Variants in CTH observed in about 807,000 individuals in gnomAD.
The protein encoded by CTH is cystathionase (cystathionine gamma-lyase).
Under a neutral mutation model 50.6 loss-of-function variants are expected in CTH, and 41 were observed. The ratio of observed to expected loss-of-function variants is 0.81; its 90% CI spans 0.63 to 1.05. The LOEUF (loss-of-function observed/expected upper bound fraction) is 1.05, where lower values mean the gene tolerates loss of function less well. CTH is among the 50% of genes least tolerant of loss of function. The pLI is 0.00. For synonymous variants in CTH, 156 were observed against 168.9 expected (o/e 0.92, Z 0.59); for missense variants, 470 against 492.6 (o/e 0.95, Z 0.43).
intron 6 of CTH, 21 bp downstream of exon 6, chr1:70,429,872 G>A (rs1393683964): frequency 1.3e-6 from 2 of 1,577,340 alleles, no homozygotes; most frequent in Admixed American, 1.7e-5. Context: ...TACTTTGAAT[G>A]TTCTTTTTCA....
chr1:70,431,974 T>G, intron 7 of CTH, 109 bp from the exon 8 acceptor site: 11 of 1,119,842 alleles, frequency 9.8e-6, no homozygotes, highest in Non-Finnish European at 1.5e-5. Context: ...ACTCAAACAT[T>G]GAGCTTTACA....
At position 70,432,094 on chromosome 1, in the gene CTH, G is replaced by T; in HGVS notation, c.736G>T (p.Val246Phe). The T allele has an allele frequency of 6.2e-7, 1 of 1,614,050 alleles. No homozygotes were observed. Among genetic ancestry groups the T allele is most frequent in the Non-Finnish European group, 8.5e-7 (1 of 1,180,010 alleles). The change falls in exon 8 of 12, where the codon GTT (valine) becomes TTT (phenylalanine). Residue 246 changes from valine (V) to phenylalanine (F), a missense_variant. By Grantham distance (50) the Val-to-Phe change is conservative (BLOSUM62 -1). Transcript: ENST00000370938. ...LRFLQNSLGA[V>F]PSPIDCYLCN... ...TGTTCATTTTGCAGCTCTTGGAGCAGTTCCATCTCCTATTGATTGTTACCT... is the reference window on the plus strand; with the variant it reads ...TGTTCATTTTGCAGCTCTTGGAGCATTTCCATCTCCTATTGATTGTTACCT...
intron 1 of CTH, 140 bp from the exon 2 acceptor site, chr1:70,415,814 TTC>T: frequency 1.5e-6 from 1 of 686,440 alleles, no homozygotes; most frequent in Non-Finnish European, 2.7e-6. Context: ...CACAGCACTG[TTC>T]TGCTTCTGTA....
chr1:70,432,045 C>A (rs1684485809), intron 7 of CTH, 38 bp from the exon 8 acceptor site: 1 of 1,612,438 alleles, frequency 6.2e-7, no homozygotes. Flanking sequence ...TGGCCATACC[C>A]TGCCTTCAAA....
intron 5 of CTH, among the ~76,000 whole-genome samples, chr1:70,428,641 G>T (rs1684399503): frequency 6.6e-6 from 1 of 151,486 alleles, no homozygotes; most frequent in Non-Finnish European, 1.5e-5. Flanking sequence ...ACAGAATCTT[G>T]CTCTGTCACC....
Position 70,430,362 on chromosome 1 carries a change from G to A in CTH, c.692G>A (p.Ser231Asn), listed in dbSNP as rs754770503. Residue 231 changes from serine (S) to asparagine (N), a missense_variant, in exon 7 of 12, where the codon AGC becomes AAC. By Grantham distance (46) the Ser-to-Asn change is conservative. Transcript: ENST00000370938. ...VMGLVSVNCE[S>N]LHNRLRFLQN... ...GGCCTGGTGTCTGTTAATTGTGAAA[G>A]CCTTCATAATAGACTTCGTTTCTTG... is the stretch of plus-strand genomic sequence containing the variant. The A allele has an allele frequency of 1.9e-6, 3 of 1,600,750 alleles. No individual in the cohort carries two copies. Among genetic ancestry groups the A allele is most frequent in the Non-Finnish European group, 2.6e-6 (3 of 1,168,074 alleles).
chr1:70,423,505 A>G (rs1684274234), intron 4 of CTH, among the ~76,000 whole-genome samples: 2 of 152,084 alleles, frequency 1.3e-5, no homozygotes, highest in African/African-American at 4.8e-5. Context: ...TGAAAGGTCG[A>G]AGCTGCCGTT....
At chr1:70,432,335 G>A (rs758501639) in intron 8 of CTH, 100 bp downstream of exon 8, 88 of 1,427,620 alleles carry the variant, frequency 6.2e-5, no homozygotes, top group African/African-American at 5.6e-4. Context: ...GTGCTTTCAC[G>A]TATTGTTTTT....
At chr1:70,418,080 T>C (rs765018578) in intron 3 of CTH, 48 bp downstream of exon 3, 21 of 1,584,664 alleles carry the variant, frequency 1.3e-5, no homozygotes, top group African/African-American at 1.3e-5. Flanking sequence ...ATTTTACAGA[T>C]AATAAAGTGA....
In CTH at chr1:70,432,071, T is replaced by C. The variant is rs144339312; in HGVS notation, c.725-12T>C. 218 of 1,613,872 alleles carry C rather than the reference T, an allele frequency of 1.4e-4. No homozygotes were observed. The African/African-American group carries it at 2.6e-3, about 19-fold the overall frequency. ...TGCCTTCAAACTTATCCAGGATGTG[T>C]TCATTTTGCAGCTCTTGGAGCAGTT... On this transcript the variant is annotated splice_polypyrimidine_tract_variant and intron_variant, in intron 7 of 11. Coordinates refer to ENST00000370938, the MANE Select transcript of CTH (RefSeq NM_001902.6).
intron 4 of CTH, 91 bp from the exon 5 acceptor site, chr1:70,424,194 C>T: frequency 6.2e-7 from 1 of 1,602,032 alleles, no homozygotes; most frequent in Non-Finnish European, 8.5e-7. Context: ...TTCCATTATA[C>T]AATGTAGCTT....
chr1:70,438,954 A>G, intron 11 of CTH, 128 bp downstream of exon 11: 1 of 1,583,442 alleles, frequency 6.3e-7, no homozygotes, highest in South Asian at 1.1e-5. Flanking sequence ...TTCCTGTAAT[A>G]GACCAGGTGT....
chr1:70,421,818 T>C, intron 4 of CTH, 143 bp downstream of exon 4: 1 of 824,060 alleles, frequency 1.2e-6, no homozygotes, highest in Non-Finnish European at 2.0e-6. Flanking sequence ...TAAGATAGAC[T>C]GTCATCTCCG....
intron 2 of CTH, among the ~76,000 whole-genome samples, chr1:70,417,686 G>T (rs1428691643): frequency 6.6e-6 from 1 of 152,120 alleles, no homozygotes; most frequent in African/African-American, 2.4e-5. Context: ...GTGTTTCAGA[G>T]AAATATTATT....
chr1:70,413,387 C>T (rs1361942729), intron 1 of CTH, among the ~76,000 whole-genome samples: 9 of 151,822 alleles, frequency 5.9e-5, no homozygotes, highest in Admixed American at 1.3e-4. Flanking sequence ...CCTCAGCCTC[C>T]TAAGTAGCTG....
chr1:70,437,741 G>A (rs1485504357), intron 10 of CTH, among the ~76,000 whole-genome samples: 1 of 152,180 alleles, frequency 6.6e-6, no homozygotes, highest in Non-Finnish European at 1.5e-5. Context: ...GACCACAGCT[G>A]AGATTTTTTT....
chr1:70,435,622 G>C (rs1227165075), intron 10 of CTH, among the ~76,000 whole-genome samples: 1 of 151,786 alleles, frequency 6.6e-6, no homozygotes, highest in Non-Finnish European at 1.5e-5. Context: ...ACTAGATACT[G>C]TCAAATCTTT....
chr1:70,430,338 G>A lies in CTH; in HGVS notation c.668G>A (p.Gly223Asp). ...YMNGHSDVVM[G>D]LVSVNCESLH... Reference sequence around the variant, plus strand: ...TTAGGCCACAGTGATGTTGTAATGGGCCTGGTGTCTGTTAATTGTGAAAGC... The same window carrying A: ...TTAGGCCACAGTGATGTTGTAATGGACCTGGTGTCTGTTAATTGTGAAAGC... The change falls in exon 7 of 12, where the codon GGC (glycine) becomes GAC (aspartate). Residue 223 changes from glycine to aspartate, a missense_variant. Transcript: ENST00000370938. 6.2e-7 allele frequency: 1 copy of A among 1,600,316 alleles called. No individual in the cohort carries two copies. Among genetic ancestry groups the A allele is most frequent in the Non-Finnish European group, 8.6e-7 (1 of 1,167,718 alleles).
At chr1:70,413,536 T>A (rs990300874) in intron 1 of CTH, among the ~76,000 whole-genome samples, 1 of 151,748 alleles carries the variant, frequency 6.6e-6, no homozygotes, top group African/African-American at 2.4e-5. Flanking sequence ...AGTGCTGGGA[T>A]TACAGGTGTG....
Sources: gnomAD v4.1 joint callset for allele counts (sites outside exome capture counted in the v4.1 genomes callset) on GRCh38, gnomAD v4.1.1 for gene constraint, MANE v1.5 for transcripts, NCBI Gene and HGNC (gene_info 2026-07-23, HGNC 2026-07-21) for gene names.